ZNRF2: variants seen among roughly 807,000 people sequenced by gnomAD.
ZNRF2 encodes E3 ubiquitin-protein ligase ZNRF2.
A neutral mutation model predicts 20.4 loss-of-function variants in ZNRF2; 16 were observed. The ratio of observed to expected loss-of-function variants is 0.79; its 90% confidence interval spans 0.53 to 1.19. The LOEUF (loss-of-function observed/expected upper bound fraction) is 1.19. Ranked by LOEUF, ZNRF2 falls within the 50% of genes most tolerant of loss-of-function variation. The probability of loss-of-function intolerance (pLI) is 0.00; values close to 1 mark genes in which losing one functional copy is unlikely to be tolerated. For synonymous variants in ZNRF2, 178 were observed against 144.9 expected, an observed-to-expected ratio of 1.23 and a Z score of -1.64; for missense variants, 363 against 332.4, an observed-to-expected ratio of 1.09 and a Z score of -0.72.
chr7:30,298,751 T>A lies in ZNRF2; in HGVS notation c.469+12925T>A, dbSNP rs546492346. ...GTTGGGGTTGCTTAGCTGCTGCAAG[T>A]CAGGGAGGACAACTAGGAGATCTCA... is the stretch of plus-strand genomic sequence containing the variant. On this transcript the variant is annotated intron_variant, in intron 1 of 4. Transcript: ENST00000323037. Among the ~76,000 whole-genome samples, 9 of 152,302 alleles carry A rather than the reference T, an allele frequency of 5.9e-5. No individual in the cohort carries two copies. The East Asian group carries it at 1.7e-3, about 29-fold the overall frequency.
intron 2 of ZNRF2, among the ~76,000 whole-genome samples, chr7:30,354,072 A>G (rs1799999628): frequency 6.6e-6 from 1 of 152,066 alleles, no homozygotes; most frequent in South Asian, 2.1e-4. Flanking sequence ...CTAGAACAAT[A>G]AGAGAAAAAT....
At chr7:30,354,902 T>C (rs1800013555) in intron 2 of ZNRF2, among the ~76,000 whole-genome samples, 1 of 152,178 alleles carries the variant, frequency 6.6e-6, no homozygotes, top group Non-Finnish European at 1.5e-5. Flanking sequence ...TTAAGCAAAC[T>C]GCTTTTAAAA....
intron 2 of ZNRF2, among the ~76,000 whole-genome samples, chr7:30,347,553 A>G (rs1799896790): frequency 6.6e-6 from 1 of 152,074 alleles, no homozygotes; most frequent in Admixed American, 6.5e-5. Context: ...CCTTAGAACA[A>G]TTAAAAAGAA....
chr7:30,309,519 C>T (rs1799258417), intron 1 of ZNRF2, among the ~76,000 whole-genome samples: 1 of 152,164 alleles, frequency 6.6e-6, no homozygotes, highest in Non-Finnish European at 1.5e-5. Flanking sequence ...CATCTGTCAA[C>T]CTTTTGCTGT....
chr7:30,328,427 T>C (rs1799585748), intron 2 of ZNRF2, among the ~76,000 whole-genome samples: 1 of 152,222 alleles, frequency 6.6e-6, no homozygotes, highest in Non-Finnish European at 1.5e-5. Context: ...CTTACACTTT[T>C]GCAGCCTTTT....
chr7:30,332,644 C>T (rs559815475), intron 2 of ZNRF2, among the ~76,000 whole-genome samples: 202 of 152,242 alleles, frequency 1.3e-3, no homozygotes, highest in Admixed American at 2.4e-3. Context: ...TCTGTTTCTG[C>T]GTTAATTTAC....
intron 2 of ZNRF2, among the ~76,000 whole-genome samples, chr7:30,350,594 A>G (rs1799947615): frequency 6.6e-6 from 1 of 152,024 alleles, no homozygotes; most frequent in Non-Finnish European, 1.5e-5. Context: ...TAGCTCATGG[A>G]TCTGTAATTG....
chr7:30,356,831 G>A (rs903513316), intron 3 of ZNRF2, among the ~76,000 whole-genome samples: 4 of 149,968 alleles, frequency 2.7e-5, no homozygotes, highest in Admixed American at 6.7e-5. Flanking sequence ...TCAGCCTCCC[G>A]AGTAGCTGGG....
At chr7:30,346,170 ATTTTTTTTTTTTTTTT>A (rs70980598) in intron 2 of ZNRF2, among the ~76,000 whole-genome samples, 128 of 23,710 alleles carry the variant, frequency 5.4e-3, no homozygotes, top group African/African-American at 8.1e-3. Flanking sequence ...GTTAAGTCTG[ATTTTTTTTTTTTTTTT>A]TTTTTTTTTT....
chr7:30,348,399 TG>T (rs1799910986), intron 2 of ZNRF2, among the ~76,000 whole-genome samples: 1 of 152,190 alleles, frequency 6.6e-6, no homozygotes, highest in Non-Finnish European at 1.5e-5. Flanking sequence ...CAAAACACTA[TG>T]CTGCATGCTG....
At chr7:30,339,242 CTTT>C (rs1313097057) in intron 2 of ZNRF2, among the ~76,000 whole-genome samples, 1 of 152,102 alleles carries the variant, frequency 6.6e-6, no homozygotes, top group Non-Finnish European at 1.5e-5. Context: ...ATGATAGTTT[CTTT>C]TGCTGTGCAG....
intron 3 of ZNRF2, among the ~76,000 whole-genome samples, chr7:30,361,280 G>C (rs1179353700): frequency 6.6e-6 from 1 of 152,202 alleles, no homozygotes; most frequent in African/African-American, 2.4e-5. Flanking sequence ...TATATTTCGA[G>C]AACAAAAGTC....
At position 30,302,541 on chromosome 7, in the gene ZNRF2, GT is replaced by G. The variant is rs113688354; in HGVS notation, c.469+16727del. Among the ~76,000 whole-genome samples, 933 of 140,416 alleles carry G rather than the reference GT, an allele frequency of 6.6e-3. 5 individuals are homozygous for G. Among genetic ancestry groups the G allele is most frequent in the African/African-American group, 0.02 (767 of 37,670 alleles). The allele number at this position is 140,416 out of a possible 152,430, so 92.1% of individuals were successfully genotyped here. On this transcript the variant is annotated intron_variant, in intron 1 of 4. Coordinates refer to ENST00000323037, the MANE Select transcript of ZNRF2 (RefSeq NM_147128.4). ...ATTATGATATAAATTAAAGTACTAT[GT>G]TTTTTTTTTTTGGTAATTTTGTTAC...
intron 1 of ZNRF2, among the ~76,000 whole-genome samples, chr7:30,292,067 A>G (rs547551342): frequency 2.0e-5 from 3 of 152,330 alleles, no homozygotes; most frequent in Admixed American, 6.5e-5. Context: ...TGTCTTTTAT[A>G]TATGTATTTG....
rs70980598 is a variant in ZNRF2 at position 30,346,170 on chromosome 7, A to ATTTTTTTTTT, written c.566-9533_566-9524dup. ...TGTTTTTTTTTTTCTGTTAAGTCTG[A>ATTTTTTTTTT]TTTTTTTTTTTTTTTTTTTTTTTTT... On this transcript the variant is annotated intron_variant, in intron 2 of 4. Transcript: ENST00000323037. Among the ~76,000 whole-genome samples the ATTTTTTTTTT allele has an allele frequency of 1.9e-3, 46 of 23,706 alleles. 11 individuals carry two copies. Among genetic ancestry groups the ATTTTTTTTTT allele is most frequent in the South Asian group, 6.9e-3 (2 of 288 alleles). 15.6% of individuals were successfully genotyped at this position (23,706 alleles called of 152,430 possible).
At chr7:30,288,807 C>G (rs1280171928) in intron 1 of ZNRF2, 3 of 152,174 alleles carry the variant, frequency 2.0e-5, no homozygotes, top group East Asian at 1.9e-4. Flanking sequence ...CTGCTAGTGT[C>G]GTCCATCACC....
chr7:30,326,883 T>G (rs1218363709), intron 2 of ZNRF2, among the ~76,000 whole-genome samples: 1 of 152,182 alleles, frequency 6.6e-6, no homozygotes, highest in Non-Finnish European at 1.5e-5. Flanking sequence ...TCTCTAATGA[T>G]CAGTGATGTT....
In ZNRF2 at chr7:30,284,603, A is replaced by T. The variant is rs908466161; in HGVS notation, c.-755A>T. 6.6e-6 allele frequency: 1 copy of T among 152,510 alleles called. No individual in the cohort carries two copies. The highest frequency in any genetic ancestry group is 2.4e-5 in the African/African-American group (1 of 41,276). The allele number at this position is 152,510 out of a possible 1,614,324, so 9.4% of individuals were successfully genotyped here. On this transcript the variant is annotated 5_prime_UTR_variant, in exon 1 of 5. Transcript: ENST00000323037. Reference sequence around the variant, plus strand: ...GGGTCAACGCGCGCGACCCAAACACACGGGCCGGGCGCACCCTGCAGCCGC... The same window carrying T: ...GGGTCAACGCGCGCGACCCAAACACTCGGGCCGGGCGCACCCTGCAGCCGC...
Position 30,367,629 on chromosome 7 carries a change from C to T in ZNRF2, c.*1617C>T, listed in dbSNP as rs1364782878. 2.6e-5 allele frequency: 4 copies of T among 151,978 alleles called. No individual in the cohort carries two copies. Among genetic ancestry groups the T allele is most frequent in the Non-Finnish European group, 5.9e-5 (4 of 67,868 alleles). 9.4% of individuals were successfully genotyped at this position (151,978 alleles called of 1,614,324 possible). ...AAAAGGGCAAGTACAGGAGCAACTGCTGCTACCCAGAAAAATGTGTGTATT... is the reference window on the plus strand; with the variant it reads ...AAAAGGGCAAGTACAGGAGCAACTGTTGCTACCCAGAAAAATGTGTGTATT... On this transcript the variant is annotated 3_prime_UTR_variant, in exon 5 of 5. Transcript: ENST00000323037.
Sources: gnomAD v4.1 joint callset for allele counts (sites outside exome capture counted in the v4.1 genomes callset) on GRCh38, gnomAD v4.1.1 for gene constraint, MANE v1.5 for transcripts, NCBI Gene and HGNC (gene_info 2026-07-23, HGNC 2026-07-21) for gene names.